The following MUC12 variants were observed in gnomAD, a reference collection of about 807,000 sequenced individuals.
MUC12 encodes mucin-12.
MUC12 carries 172 observed loss-of-function variants against 230.8 expected under a neutral mutation model. The ratio of observed to expected loss-of-function variants is 0.75; its 90% CI spans 0.66 to 0.85. MUC12 has a LOEUF of 0.85. Among genes scored for constraint, MUC12 ranks in the 40% least tolerant of loss-of-function variants. The pLI is 0.00. For missense variants in MUC12, 3,506 were observed against 5,920.6 expected (o/e 0.59, Z 13.38); for synonymous variants, 1,259 against 2,401.9 (o/e 0.52, Z 13.91).
chr7:101,004,812 A>G lies in MUC12; in HGVS notation c.14249A>G (p.Gln4750Arg), dbSNP rs1263303835. The G allele has an allele frequency of 6.5e-6, 10 of 1,537,498 alleles. No homozygotes were observed. The Admixed American group carries it at 1.8e-4, about 27-fold the overall frequency. The change falls in exon 2 of 12, where the codon CAA becomes CGA. Residue 4750 changes from glutamine to arginine, a missense_variant. By Grantham distance (43) the Gln-to-Arg change is conservative. Transcript: ENST00000536621. ...ILYSSSRSPDQTLSPASMTSS... is the reference protein window; with the variant it reads ...ILYSSSRSPDRTLSPASMTSS... ...TACAGTAGCTCCAGATCACCAGACCAAACACTCTCACCTGCCAGCATGACA... is the reference window on the plus strand; with the variant it reads ...TACAGTAGCTCCAGATCACCAGACCGAACACTCTCACCTGCCAGCATGACA...
chr7:100,981,520 T>G, intron 1 of MUC12: 1 of 455,064 alleles, frequency 2.2e-6, no homozygotes. Flanking sequence ...GAGGGTGTCC[T>G]AGGAACTGAA....
At chr7:101,010,570 C>T (rs1793826641) in intron 5 of MUC12, among the ~76,000 whole-genome samples, 1 of 151,928 alleles carries the variant, frequency 6.6e-6, no homozygotes, top group African/African-American at 2.4e-5. Context: ...GGCTGGAGTG[C>T]CGTGGTGCAA....
Position 101,014,081 on chromosome 7 carries a change from T to G in MUC12, c.15800+7T>G, listed in dbSNP as rs779047463. ...CCCAGAGAAAACGGCACAGGTGAGCTTGTGAGGCCAGCACCGCAGGCCCAC... is the reference window on the plus strand; with the variant it reads ...CCCAGAGAAAACGGCACAGGTGAGCGTGTGAGGCCAGCACCGCAGGCCCAC... On this transcript the variant is annotated splice_region_variant and intron_variant, in intron 9 of 11. Transcript: ENST00000536621. 54 of 1,527,942 alleles carry G rather than the reference T, an allele frequency of 3.5e-5. No homozygotes were observed. The highest frequency in any genetic ancestry group is 4.5e-5 in the Non-Finnish European group (51 of 1,141,624). 94.6% of individuals were successfully genotyped at this position (1,527,942 alleles called of 1,614,324 possible).
At chr7:101,017,297 C>A in intron 10 of MUC12, 1 of 417,958 alleles carries the variant, frequency 2.4e-6, no homozygotes, top group Admixed American at 4.1e-5. Context: ...GAGTCCAGGG[C>A]TGAACGCACG....
chr7:101,006,610 C>A, intron 3 of MUC12, 38 bp downstream of exon 3: 1 of 1,333,872 alleles, frequency 7.5e-7, no homozygotes, highest in Non-Finnish European at 1.0e-6. Context: ...TCTTTGCAGG[C>A]CCTTTCACCC....
At chr7:100,972,788 G>C (rs1042003612) in intron 1 of MUC12, 24 of 688,786 alleles carry the variant, frequency 3.5e-5, no homozygotes, top group Non-Finnish European at 6.1e-5. Flanking sequence ...TGACAGGTGC[G>C]AGCCACCGCA....
In MUC12 at chr7:101,012,563, C is replaced by A. The variant is rs568669498; in HGVS notation, c.15403+116C>A. 1.1e-4 allele frequency: 138 copies of A among 1,256,978 alleles called. No homozygotes were observed. The African/African-American group carries it at 1.8e-3, about 16-fold the overall frequency. The allele number at this position is 1,256,978 out of a possible 1,614,324, so 77.9% of individuals were successfully genotyped here. A position where few individuals can be genotyped will look rare whatever the true frequency, so the allele number is the denominator to read the frequency against. On this transcript the variant is annotated intron_variant, in intron 6 of 11. Coordinates refer to ENST00000536621, the MANE Select transcript of MUC12 (RefSeq NM_001164462.2). ...ACTCCCAAGACTTCTGCCACAGGAACCCAGAAGCCAGGCCCAGGGTGCCTT... is the reference window on the plus strand; with the variant it reads ...ACTCCCAAGACTTCTGCCACAGGAAACCAGAAGCCAGGCCCAGGGTGCCTT...
chr7:101,005,436 C>G lies in MUC12; in HGVS notation c.14873C>G (p.Thr4958Ser), dbSNP rs1203275304. 3 of 1,537,916 alleles carry G rather than the reference C, an allele frequency of 2.0e-6. No homozygotes were observed. The highest frequency in any genetic ancestry group is 2.4e-5 in the East Asian group (1 of 40,926). Reference sequence around the variant, plus strand: ...GCGAGTTCCAGCACATCAGGCCTCACTGAGGAATCTACCACCTTCCACACC... The same window carrying G: ...GCGAGTTCCAGCACATCAGGCCTCAGTGAGGAATCTACCACCTTCCACACC... ...FPASSSTSGL[T>S]EESTTFHTSP... Residue 4958 changes from threonine (T) to serine (S), a missense_variant, in exon 2 of 12, where the codon ACT becomes AGT. Coordinates refer to ENST00000536621, the MANE Select transcript of MUC12 (RefSeq NM_001164462.2).
chr7:100,977,097 C>T (rs750725684), intron 1 of MUC12, among the ~76,000 whole-genome samples: 3 of 147,206 alleles, frequency 2.0e-5, no homozygotes, highest in Non-Finnish European at 4.5e-5. Flanking sequence ...TTGCTCAATA[C>T]CACCCATTCA....
chr7:100,970,265 T>A (rs1448403558), intron 1 of MUC12, among the ~76,000 whole-genome samples: 1 of 152,260 alleles, frequency 6.6e-6, no homozygotes, highest in African/African-American at 2.4e-5. Flanking sequence ...GGTGGGTGGA[T>A]CACCTGAGGT....
chr7:100,989,102 T>C (rs540304583), intron 1 of MUC12, among the ~76,000 whole-genome samples: 27 of 102,124 alleles, frequency 2.6e-4, no homozygotes, highest in South Asian at 1.3e-3. Context: ...TCTTCTTCTT[T>C]TTTTTTTTTT....
chr7:100,972,509 C>CTTTT (rs764820674), intron 1 of MUC12, among the ~76,000 whole-genome samples: 8 of 143,570 alleles, frequency 5.6e-5, no homozygotes, highest in South Asian at 4.4e-4. Flanking sequence ...GCATCTGTAG[C>CTTTT]TTTTTTTTTT....
chr7:101,009,686 G>A (rs1454822524), intron 5 of MUC12, among the ~76,000 whole-genome samples: 6 of 152,128 alleles, frequency 3.9e-5, no homozygotes, highest in Non-Finnish European at 7.4e-5. Flanking sequence ...AAAAAAAAAT[G>A]TAACAGCAAA....
chr7:101,018,102 CCCT>C (rs1299285757), intron 11 of MUC12, among the ~76,000 whole-genome samples: 2 of 2 alleles, frequency 1, 1 homozygote, highest in Non-Finnish European at 1. Flanking sequence ...CTCCCTTCCC[CCCT>C]GGATTCCCTC....
At chr7:101,014,673 T>A (rs1217335367) in intron 9 of MUC12, among the ~76,000 whole-genome samples, 7 of 152,090 alleles carry the variant, frequency 4.6e-5, no homozygotes, top group African/African-American at 1.7e-4. Flanking sequence ...AAACGGGGTT[T>A]CACCATGTTG....
rs1793716023 is a variant in MUC12, at chr7:101,004,944, C to G, written c.14381C>G (p.Ser4794Ter). Residue 4794 changes from serine to a stop codon, truncating the protein, a stop_gained, in exon 2 of 12, where the codon TCA becomes TGA. Transcript: ENST00000536621. LOFTEE classifies it high-confidence loss of function. ...STTTSGLSQE[S>*]TTFHSKPGST... ...ACCACCTCAGGCCTCAGTCAGGAAT[C>G]AACAACTTTCCACAGTAAGCCAGGC... 16 of 1,537,776 alleles carry G rather than the reference C, an allele frequency of 1.0e-5. No individual in the cohort carries two copies. Among genetic ancestry groups the G allele is most frequent in the Non-Finnish European group, 1.2e-5 (14 of 1,147,070 alleles).
chr7:100,991,544 T>A lies in MUC12; in HGVS notation c.981T>A (p.Ser327Arg), dbSNP rs1305680265. The change falls in exon 2 of 12, where the codon AGT (serine) becomes AGA (arginine). Residue 327 changes from serine (S) to arginine (R), a missense_variant. Ser to Arg is a moderately radical substitution (Grantham distance 110). Coordinates refer to ENST00000536621, the MANE Select transcript of MUC12 (RefSeq NM_001164462.2). The part of the protein sequence containing the change: ...FSASSTTLGH[S>R]EESTPVHSSP... ...CCAGCTCCACAACCTTGGGCCATAG[T>A]GAGGAATCGACACCAGTCCACAGCA... 1.3e-6 allele frequency: 2 copies of A among 1,537,158 alleles called. No homozygotes were observed. Among genetic ancestry groups the A allele is most frequent in the Non-Finnish European group, 1.7e-6 (2 of 1,146,604 alleles).
intron 1 of MUC12, among the ~76,000 whole-genome samples, chr7:100,975,712 A>C (rs7797740): frequency 6.6e-6 from 1 of 152,236 alleles, no homozygotes; most frequent in East Asian, 1.9e-4. Flanking sequence ...GAGAGGCAGC[A>C]TTTGAGTTTG....
intron 1 of MUC12, among the ~76,000 whole-genome samples, chr7:100,977,081 A>G (rs1224343052): frequency 7.8e-6 from 1 of 127,628 alleles, no homozygotes; most frequent in East Asian, 2.4e-4. Context: ...AAAAAAAAAA[A>G]AGAAATTGCT....
Sources: gnomAD v4.1 joint callset for allele counts (sites outside exome capture counted in the v4.1 genomes callset) on GRCh38, gnomAD v4.1.1 for gene constraint, MANE v1.5 for transcripts, NCBI Gene and HGNC (gene_info 2026-07-23, HGNC 2026-07-21) for gene names.